Variants in CYP4F2 observed in about 807,000 individuals in gnomAD.
CYP4F2 encodes the protein cytochrome P450 family 4 subfamily F member 2.
A neutral mutation model predicts 58.9 loss-of-function variants in CYP4F2; 58 were observed. The observed-to-expected ratio is 0.98, with a 90% CI of 0.80 to 1.23. The LOEUF is 1.23. Among genes scored for constraint, CYP4F2 ranks in the 50% most tolerant of loss-of-function variants. CYP4F2 has a pLI of 0.00. For missense variants in CYP4F2, 616 were observed against 685.6 expected, an observed-to-expected ratio of 0.90 and a Z score of 1.13; for synonymous variants, 287 against 261.1, an observed-to-expected ratio of 1.10 and a Z score of -0.95.
chr19:15,892,240 C>T lies in CYP4F2; in HGVS notation c.525+69G>A. 6.2e-6 allele frequency: 10 copies of T among 1,602,078 alleles called. No individual in the cohort carries two copies. In the South Asian group the frequency reaches 1.1e-4, roughly 18 times the overall value. ...ATGGCACCCAGCAGAGCCAAAACTC[C>T]AGACTAGATCTCTCTGTTGTCCTTT... is the stretch of plus-strand genomic sequence containing the variant. On this transcript the variant is annotated intron_variant, in intron 5 of 12. Transcript: ENST00000221700.
At chr19:15,892,629 G>C in intron 3 of CYP4F2, 47 bp from the exon 4 acceptor site, 1 of 1,594,854 alleles carries the variant, frequency 6.3e-7, no homozygotes, top group Non-Finnish European at 8.5e-7. Context: ...AGGTGAAAGA[G>C]GGACTTTGGG....
intron 9 of CYP4F2, among the ~76,000 whole-genome samples, chr19:15,881,744 T>C (rs923261988): frequency 6.6e-6 from 1 of 151,994 alleles, no homozygotes; most frequent in Admixed American, 6.6e-5. Flanking sequence ...ACTGGTTTTA[T>C]AATTTAATGC....
intron 1 of CYP4F2, 93 bp downstream of exon 1, chr19:15,897,933 G>T (rs567694446): frequency 4.1e-5 from 13 of 315,710 alleles, no homozygotes; most frequent in Non-Finnish European, 5.9e-5. Context: ...CCATCCTCCA[G>T]GCCAGCACCC....
chr19:15,885,892 C>CTCA, intron 9 of CYP4F2, 32 bp downstream of exon 9: 2 of 1,604,250 alleles, frequency 1.2e-6, no homozygotes, highest in Non-Finnish European at 1.7e-6. Flanking sequence ...ATGAGAAGGT[C>CTCA]TCAGGAAGAG....
intron 3 of CYP4F2, 114 bp from the exon 4 acceptor site, chr19:15,892,696 A>C: frequency 1.3e-6 from 2 of 1,484,396 alleles, no homozygotes; most frequent in Non-Finnish European, 1.8e-6. Flanking sequence ...AGCCCCACAT[A>C]GCAGGAAGAG....
intron 7 of CYP4F2, among the ~76,000 whole-genome samples, chr19:15,888,612 A>G (rs969160505): frequency 2.6e-5 from 4 of 152,220 alleles, no homozygotes; most frequent in African/African-American, 9.6e-5. Context: ...ATAGACACAG[A>G]CGCACACATA....
intron 9 of CYP4F2, among the ~76,000 whole-genome samples, chr19:15,881,877 A>C (rs2089348124): frequency 6.6e-6 from 1 of 152,196 alleles, no homozygotes; most frequent in Non-Finnish European, 1.5e-5. Flanking sequence ...TGCTAAGTGA[A>C]GTAAGCTAGG....
rs1322377654 is a variant in CYP4F2, at chr19:15,880,644, A to G, written c.1116-747T>C. ...ATCTCAAAAAAAAAAAATCAATTTT[A>G]ATACACATTCTTAAAAGTAAATATT... On this transcript the variant is annotated intron_variant, in intron 9 of 12. Transcript: ENST00000221700. 2.6e-5 allele frequency among the ~76,000 whole-genome samples: 4 copies of G among 152,142 alleles called. No individual in the cohort carries two copies. In the South Asian group the frequency reaches 8.3e-4, roughly 31 times the overall value.
intron 9 of CYP4F2, among the ~76,000 whole-genome samples, chr19:15,880,401 G>A (rs1332061648): frequency 6.6e-6 from 1 of 152,130 alleles, no homozygotes; most frequent in Admixed American, 6.5e-5. Context: ...GGCTAAGGCA[G>A]GTGGATCACA....
At chr19:15,882,764 AGAAAAATAGATCTCAGAGAT>A (rs1321334062) in intron 9 of CYP4F2, among the ~76,000 whole-genome samples, 1 of 152,242 alleles carries the variant, frequency 6.6e-6, no homozygotes, top group Non-Finnish European at 1.5e-5. Context: ...TCGTATTTTA[AGAAAAATAGATCTCAGAGAT>A]AATGTCCAGA....
intron 7 of CYP4F2, 25 bp from the exon 8 acceptor site, chr19:15,886,333 C>CT (rs761217953): frequency 1.2e-6 from 2 of 1,602,138 alleles, no homozygotes; most frequent in African/African-American, 2.7e-5. Context: ...GTAACCCCCC[C>CT]CAACCCCCAC....
intron 2 of CYP4F2, among the ~76,000 whole-genome samples, chr19:15,896,873 AG>A (rs1333616092): frequency 6.6e-6 from 1 of 152,236 alleles, no homozygotes; most frequent in Non-Finnish European, 1.5e-5. Context: ...AGCTTCTGAA[AG>A]GTGAAGTGAG....
chr19:15,892,231 C>A (rs1247901817), intron 5 of CYP4F2, 78 bp downstream of exon 5: 2 of 1,592,288 alleles, frequency 1.3e-6, no homozygotes, highest in Non-Finnish European at 1.7e-6. Context: ...CCCAGCAGAG[C>A]CAAAACTCCA....
chr19:15,896,211 CATCT>C (rs1156290739), intron 2 of CYP4F2, among the ~76,000 whole-genome samples: 12 of 151,198 alleles, frequency 7.9e-5, no homozygotes, highest in South Asian at 2.1e-4. Context: ...CCTATCTGTG[CATCT>C]ATCTATCTAT....
chr19:15,897,295 C>T, intron 2 of CYP4F2, 119 bp downstream of exon 2: 2 of 1,050,348 alleles, frequency 1.9e-6, no homozygotes, highest in Non-Finnish European at 2.8e-6. Context: ...AAGATGCCTC[C>T]TCTGCTTCTC....
intron 5 of CYP4F2, among the ~76,000 whole-genome samples, chr19:15,892,064 T>C (rs757362636): frequency 3.9e-5 from 6 of 152,190 alleles, no homozygotes; most frequent in Non-Finnish European, 7.3e-5. Flanking sequence ...GCTTTGGTGA[T>C]GGAAACATAG....
chr19:15,897,672 T>G, intron 1 of CYP4F2, 60 bp from the exon 2 acceptor site: 2 of 1,591,036 alleles, frequency 1.3e-6, no homozygotes, highest in Non-Finnish European at 8.6e-7. Context: ...CCCAGGGACC[T>G]CCAGGGACAG....
Position 15,883,820 on chromosome 19 carries a change from G to A in CYP4F2, c.1115+2104C>T, listed in dbSNP as rs1263684565. ...TCATGCCTGTAATCCCAGCACTTTG[G>A]GAGGCCGAGGCAGGCAGATCATGAG... On this transcript the variant is annotated intron_variant, in intron 9 of 12. Transcript: ENST00000221700. Among the ~76,000 whole-genome samples the A allele has an allele frequency of 2.6e-5, 4 of 152,176 alleles. No individual in the cohort carries two copies. In the East Asian group the frequency reaches 7.7e-4, roughly 29 times the overall value.
intron 5 of CYP4F2, among the ~76,000 whole-genome samples, chr19:15,891,790 C>G (rs1190863377): frequency 1.3e-5 from 2 of 152,146 alleles, no homozygotes; most frequent in South Asian, 2.1e-4. Context: ...CAAACCTAGA[C>G]ACGTGAGAGA....
Sources: gnomAD v4.1 joint callset for allele counts (sites outside exome capture counted in the v4.1 genomes callset) on GRCh38, gnomAD v4.1.1 for gene constraint, MANE v1.5 for transcripts, NCBI Gene and HGNC (gene_info 2026-07-23, HGNC 2026-07-21) for gene names.